BDH1: variants seen among roughly 807,000 people sequenced by gnomAD.
The protein encoded by BDH1 is D-beta-hydroxybutyrate dehydrogenase, mitochondrial.
A neutral mutation model predicts 33.1 loss-of-function variants in BDH1; 30 were observed. That is an observed-to-expected ratio of 0.91 (90% confidence interval 0.68 to 1.23). BDH1 has a LOEUF of 1.23. BDH1 is among the 50% of genes most tolerant of loss of function. The pLI, the probability that BDH1 is intolerant of heterozygous loss-of-function variation, is 0.00. For missense variants in BDH1, 443 were observed against 464.4 expected, an observed-to-expected ratio of 0.95 and a Z score of 0.42; for synonymous variants, 190 against 183.6, an observed-to-expected ratio of 1.03 and a Z score of -0.28.
At chr3:197,548,244 C>T (rs13088613) in intron 2 of BDH1, among the ~76,000 whole-genome samples, 23,620 of 152,102 alleles carry the variant, frequency 0.16, 2,355 homozygotes, top group African/African-American at 0.28. Flanking sequence ...TTATGGAAGG[C>T]ACAGGCCCAC....
intron 1 of BDH1, among the ~76,000 whole-genome samples, chr3:197,562,903 G>A (rs2163499): frequency 0.4 from 60,090 of 152,036 alleles, 12,483 homozygotes; most frequent in African/African-American, 0.5. Context: ...AATTTACATT[G>A]AGGAAAAAGA....
intron 5 of BDH1, chr3:197,529,918 C>T (rs1367022239): frequency 6.6e-6 from 1 of 152,186 alleles, no homozygotes; most frequent in Non-Finnish European, 1.5e-5. Flanking sequence ...AATGCCCACT[C>T]TTCCCTTCAT....
At chr3:197,539,199 A>C (rs1279244289) in intron 3 of BDH1, among the ~76,000 whole-genome samples, 1 of 152,192 alleles carries the variant, frequency 6.6e-6, no homozygotes. Flanking sequence ...CCCAGGCTAG[A>C]GTGCAGTGGC....
chr3:197,524,748 TG>T (rs1713918639), intron 5 of BDH1, among the ~76,000 whole-genome samples: 1 of 90,722 alleles, frequency 1.1e-5, no homozygotes, highest in Non-Finnish European at 2.3e-5. Flanking sequence ...GTTTGGGGGT[TG>T]GGGGGATGCT....
chr3:197,517,088 A>G (rs941321271), intron 6 of BDH1, among the ~76,000 whole-genome samples: 1 of 151,962 alleles, frequency 6.6e-6, no homozygotes, highest in African/African-American at 2.4e-5. Flanking sequence ...TGTTTCCACT[A>G]GCATTCCCTT....
chr3:197,511,810 T>A lies in BDH1; in HGVS notation c.*85A>T. 7.7e-7 allele frequency: 1 copy of A among 1,295,808 alleles called. No homozygotes were observed. Among genetic ancestry groups the A allele is most frequent in the African/African-American group, 1.5e-5 (1 of 67,308 alleles). The allele number at this position is 1,295,808 out of a possible 1,614,324, so 80.3% of individuals were successfully genotyped here. A position where few individuals can be genotyped will look rare whatever the true frequency, so the allele number is the denominator to read the frequency against. On this transcript the variant is annotated 3_prime_UTR_variant, in exon 8 of 8. Transcript: ENST00000392379. ...CCTGGCATGGTGGATAATCCACACG[T>A]GGATAATCAAGAGTTGACTATATGG...
chr3:197,511,843 C>A lies in BDH1; in HGVS notation c.*52G>T. 2 of 1,492,014 alleles carry A rather than the reference C, an allele frequency of 1.3e-6. No individual in the cohort carries two copies. Among genetic ancestry groups the A allele is most frequent in the South Asian group, 2.7e-5 (2 of 75,148 alleles). The allele number at this position is 1,492,014 out of a possible 1,614,324, so 92.4% of individuals were successfully genotyped here. A position where few individuals can be genotyped will look rare whatever the true frequency, so the allele number is the denominator to read the frequency against. On this transcript the variant is annotated 3_prime_UTR_variant, in exon 8 of 8. Coordinates refer to ENST00000392379, the MANE Select transcript of BDH1 (RefSeq NM_203314.3). ...CAAGAGTTGACTATATGGGTTCCTC[C>A]CTCCCCTCCCCTTCCACCAGGGATC...
chr3:197,557,516 G>A (rs1250314591), upstream of BDH1, among the ~76,000 whole-genome samples: 15 of 152,300 alleles, frequency 9.8e-5, no homozygotes, highest in African/African-American at 3.1e-4. The surrounding 1 kb of genome is among the most constrained non-coding windows in gnomAD (Gnocchi z 4.6). Context: ...AGGCTGAGGC[G>A]GGTGGATCAC....
At chr3:197,531,981 T>A (rs1027144053) in intron 5 of BDH1, among the ~76,000 whole-genome samples, 1 of 152,202 alleles carries the variant, frequency 6.6e-6, no homozygotes, top group African/African-American at 2.4e-5. Flanking sequence ...AGAACAAATG[T>A]CACTTCCTCT....
At chr3:197,542,811 C>T (rs950873599) in intron 3 of BDH1, among the ~76,000 whole-genome samples, 4 of 151,588 alleles carry the variant, frequency 2.6e-5, no homozygotes, top group Non-Finnish European at 5.9e-5. Flanking sequence ...TGTGAGCCAC[C>T]GCGCCCCCAC....
At position 197,533,549 on chromosome 3, in the gene BDH1, C is replaced by A; in HGVS notation, c.96G>T (p.Leu32Phe). Reference protein sequence around the residue: ...DRENGARRPLLLGSTSFIPIG... With the variant: ...DRENGARRPLFLGSTSFIPIG... ...TCGGGATAAAGGAAGTAGAACCAAG[C>A]AATAGTGGGCGTCTGCAAGAGAAAA... The change falls in exon 4 of 8, where the codon TTG (leucine) becomes TTT (phenylalanine). Residue 32 changes from leucine to phenylalanine, a missense_variant. Coordinates refer to ENST00000392379, the MANE Select transcript of BDH1 (RefSeq NM_203314.3). 1 of 1,614,238 alleles carries A rather than the reference C, an allele frequency of 6.2e-7. No homozygotes were observed. Among genetic ancestry groups the A allele is most frequent in the South Asian group, 1.1e-5 (1 of 91,084 alleles).
intron 4 of BDH1, 40 bp from the exon 5 acceptor site, chr3:197,532,562 T>G: frequency 1.2e-5 from 18 of 1,515,994 alleles, no homozygotes; most frequent in Non-Finnish European, 1.5e-5. Flanking sequence ...GAACCGGTGG[T>G]ACAGGGGCAA....
rs115400578 is a variant in BDH1, at chr3:197,567,426, A to G, written c.-44+5755T>C. Among the ~76,000 whole-genome samples, 1,048 of 152,262 alleles carry G rather than the reference A, an allele frequency of 6.9e-3. 8 individuals are homozygous for G. The highest frequency in any genetic ancestry group is 0.012 in the Non-Finnish European group (830 of 68,008). ...CCTCCTTTGGAAAGGCTAATCAGAA[A>G]CTCAAAAGAGTGCAATTGTTTGTCT... On this transcript the variant is annotated intron_variant, in intron 1 of 6. Coordinates refer to the BDH1 transcript ENST00000358186.
intron 1 of BDH1, among the ~76,000 whole-genome samples, chr3:197,569,127 C>T (rs959185712): frequency 3.3e-5 from 5 of 152,206 alleles, no homozygotes; most frequent in African/African-American, 1.2e-4. Flanking sequence ...AGACAGATCC[C>T]ACCCAAGTCT....
chr3:197,563,147 C>T (rs1717321639), intron 1 of BDH1, among the ~76,000 whole-genome samples: 1 of 152,116 alleles, frequency 6.6e-6, no homozygotes, highest in Admixed American at 6.5e-5. Flanking sequence ...TACATGTACA[C>T]ATGTATGTAT....
intron 1 of BDH1, among the ~76,000 whole-genome samples, chr3:197,564,708 T>C (rs1342686769): frequency 2.0e-5 from 3 of 152,142 alleles, no homozygotes; most frequent in Non-Finnish European, 4.4e-5. Flanking sequence ...AAATTAATCA[T>C]TAATGTCAAA....
In BDH1 at chr3:197,555,818, C is replaced by G. The variant is rs1395219512; in HGVS notation, c.-233G>C. The G allele has an allele frequency of 6.6e-6, 1 of 152,286 alleles. No individual in the cohort carries two copies. The highest frequency in any genetic ancestry group is 1.5e-5 in the Non-Finnish European group (1 of 68,086). 9.4% of individuals were successfully genotyped at this position (152,286 alleles called of 1,614,324 possible). A position where few individuals can be genotyped will look rare whatever the true frequency, so the allele number is the denominator to read the frequency against. ...GGGCAGGGGGCTCCGCTGCAGAGGG[C>G]TCGCCGAGGCTCTCGCCTTCACCCG... is the stretch of plus-strand genomic sequence containing the variant. On this transcript the variant is annotated 5_prime_UTR_variant, in exon 1 of 8. Coordinates refer to ENST00000392379, the MANE Select transcript of BDH1 (RefSeq NM_203314.3).
chr3:197,514,223 G>A lies in BDH1; in HGVS notation c.562+41C>T. On this transcript the variant is annotated intron_variant, in intron 7 of 7. Coordinates refer to ENST00000392379, the MANE Select transcript of BDH1 (RefSeq NM_203314.3). The surrounding 1 kb of genome is among the most constrained non-coding windows in gnomAD (Gnocchi z 4.2). ...ATTCTGAGCAAAGATGAACACGTGG[G>A]GCAGGTTCAGGGGCAGGAGGGAGCT... The A allele has an allele frequency of 1.3e-6, 2 of 1,583,894 alleles. No individual in the cohort carries two copies. The highest frequency in any genetic ancestry group is 1.7e-6 in the Non-Finnish European group (2 of 1,162,032).
chr3:197,542,161 A>G (rs1560330872), intron 3 of BDH1, among the ~76,000 whole-genome samples: 1 of 152,236 alleles, frequency 6.6e-6, no homozygotes, highest in African/African-American at 2.4e-5. Context: ...GGACTATCAC[A>G]GTATCCTGGG....
Sources: gnomAD v4.1 joint callset for allele counts (sites outside exome capture counted in the v4.1 genomes callset) on GRCh38, gnomAD v4.1.1 for gene constraint, Gnocchi (gnomAD v3.1) non-coding constraint, MANE v1.5 for transcripts, NCBI Gene and HGNC (gene_info 2026-07-23, HGNC 2026-07-21) for gene names.